Variants in DIP2C observed in about 807,000 individuals in gnomAD.
The protein encoded by DIP2C is DIP2 acetate--CoA ligase C (putative).
Under a neutral mutation model 192.4 loss-of-function variants are expected in DIP2C, and 33 were observed. The ratio of observed to expected loss-of-function variants is 0.17; its 90% CI spans 0.13 to 0.23. DIP2C has a LOEUF of 0.23. Among genes scored for constraint, DIP2C ranks in the 10% least tolerant of loss-of-function variants. DIP2C has a pLI of 1.00. For missense variants in DIP2C, 1,537 were observed against 2,110.1 expected (o/e 0.73, Z 5.32); for synonymous variants, 979 against 864.1 (o/e 1.13, Z -2.33).
intron 1 of DIP2C, among the ~76,000 whole-genome samples, chr10:619,344 G>GA (rs1435043001): frequency 6.6e-6 from 1 of 152,238 alleles, no homozygotes; most frequent in Non-Finnish European, 1.5e-5. Context: ...CTAACGTCGA[G>GA]ATGTCAGCAG....
intron 10 of DIP2C, among the ~76,000 whole-genome samples, chr10:397,886 G>A (rs1964121066): frequency 6.6e-6 from 1 of 152,154 alleles, no homozygotes; most frequent in South Asian, 2.1e-4. Flanking sequence ...AGCCATGATG[G>A]GAAGGAGGGG....
chr10:358,651 T>G (rs1240922876), intron 22 of DIP2C, among the ~76,000 whole-genome samples: 3 of 540 alleles, frequency 5.6e-3, no homozygotes, highest in Non-Finnish European at 8.2e-3. Context: ...GGATGGGAGG[T>G]GGGGGACGGG....
At chr10:348,579 C>G (rs1308831512) in intron 26 of DIP2C, 62 bp downstream of exon 26, 12 of 1,577,548 alleles carry the variant, frequency 7.6e-6, no homozygotes, top group Non-Finnish European at 9.4e-6. Flanking sequence ...AGAGTCTGCG[C>G]GTTGCAAGCT....
chr10:589,948 G>C (rs978678476), intron 1 of DIP2C, among the ~76,000 whole-genome samples: 1 of 152,228 alleles, frequency 6.6e-6, no homozygotes, highest in Non-Finnish European at 1.5e-5. Context: ...AGAAGCGTGT[G>C]ATAAGTTACA....
At chr10:584,606 A>G (rs1360244104) in intron 1 of DIP2C, among the ~76,000 whole-genome samples, 1 of 75,728 alleles carries the variant, frequency 1.3e-5, no homozygotes, top group African/African-American at 5.5e-5. Context: ...TCACCTCTCA[A>G]TCTCGGGGCC....
At chr10:456,571 TAGTGTGACCCA>T (rs1334678889) in intron 3 of DIP2C, among the ~76,000 whole-genome samples, 1 of 152,198 alleles carries the variant, frequency 6.6e-6, no homozygotes, top group African/African-American at 2.4e-5. Flanking sequence ...TCCTCCTGGT[TAGTGTGACCCA>T]AGTCTGGAAA....
chr10:584,528 C>A (rs1321073232), intron 1 of DIP2C, among the ~76,000 whole-genome samples: 1 of 139,788 alleles, frequency 7.2e-6, no homozygotes, highest in Non-Finnish European at 1.5e-5. Context: ...GGCCCGCGAC[C>A]TGGCCCCCAC....
At chr10:461,032 C>T (rs1469277583) in intron 3 of DIP2C, among the ~76,000 whole-genome samples, 1 of 152,168 alleles carries the variant, frequency 6.6e-6, no homozygotes, top group Non-Finnish European at 1.5e-5. Flanking sequence ...GTCTGCCTTA[C>T]AAGAGCTCCT....
At chr10:582,037 G>A (rs1241234442) in intron 1 of DIP2C, among the ~76,000 whole-genome samples, 4 of 152,140 alleles carry the variant, frequency 2.6e-5, no homozygotes, top group South Asian at 2.1e-4. Context: ...GGGTTCCAAC[G>A]TCTATGAGAA....
intron 1 of DIP2C, among the ~76,000 whole-genome samples, chr10:644,389 C>T (rs1336896476): frequency 6.6e-6 from 1 of 152,278 alleles, no homozygotes; most frequent in Non-Finnish European, 1.5e-5. Context: ...TGAAAGCCTA[C>T]AGCCAACCCT....
At chr10:472,693 C>G (rs1447751866) in intron 2 of DIP2C, 144 bp from the exon 3 acceptor site, 1 of 692,474 alleles carries the variant, frequency 1.4e-6, no homozygotes. Context: ...AGCCCACAGA[C>G]AGGAGGGCCA....
At chr10:356,162 A>G (rs1959070199) in intron 24 of DIP2C, 4 of 578,372 alleles carry the variant, frequency 6.9e-6, no homozygotes, top group Admixed American at 3.0e-5. Context: ...TCTCTTGCAG[A>G]TATCATTACT....
intron 2 of DIP2C, among the ~76,000 whole-genome samples, chr10:479,664 A>G (rs1843439476): frequency 6.6e-6 from 1 of 152,090 alleles, no homozygotes; most frequent in Non-Finnish European, 1.5e-5. Context: ...TCCATCTTTC[A>G]TGAGCCCAAA....
chr10:353,556 T>A (rs962904983), intron 24 of DIP2C, among the ~76,000 whole-genome samples: 12 of 151,356 alleles, frequency 7.9e-5, no homozygotes, highest in Non-Finnish European at 8.8e-5. Context: ...CACCCAGCTA[T>A]TTTTTTTTGT....
In DIP2C at chr10:364,607, C is replaced by T. The variant is rs368428030; in HGVS notation, c.2269-25G>A. 1.9e-6 allele frequency: 3 copies of T among 1,606,868 alleles called. No homozygotes were observed. The African/African-American group carries it at 4.0e-5, about 21-fold the overall frequency. On this transcript the variant is annotated intron_variant, in intron 19 of 36. Coordinates refer to ENST00000280886, the MANE Select transcript of DIP2C (RefSeq NM_014974.3). ...CCTGGGGGAAACAGCATCCATCAGG[C>T]CACTGTTCATGTGGTCAGCTGGTTT...
Position 349,451 on chromosome 10 carries a change from C to T in DIP2C, c.2989G>A (p.Ala997Thr), listed in dbSNP as rs1958684971. 6.2e-6 allele frequency: 10 copies of T among 1,605,270 alleles called. No individual in the cohort carries two copies. The highest frequency in any genetic ancestry group is 7.6e-6 in the Non-Finnish European group (9 of 1,176,690). Residue 997 changes from alanine (A) to threonine (T), a missense_variant, in exon 25 of 37, where the codon GCG (alanine) becomes ACG (threonine). Transcript: ENST00000280886. ...ILYTLLNCRG[A>T]IANSLTCVQL... The stretch of plus-strand genomic sequence containing the variant: ...ACGCAGGTCAGCGAGTTCGCTATCG[C>T]ACCCTGCGGGCCGATCACAGGGACA...
At chr10:583,388 C>G (rs1377512052) in intron 1 of DIP2C, among the ~76,000 whole-genome samples, 1 of 152,234 alleles carries the variant, frequency 6.6e-6, no homozygotes, top group Non-Finnish European at 1.5e-5. Flanking sequence ...TGTTTGGTAC[C>G]TGCATTAAAA....
chr10:508,923 C>CCT (rs1349367235), intron 1 of DIP2C, among the ~76,000 whole-genome samples: 1 of 152,214 alleles, frequency 6.6e-6, no homozygotes, highest in African/African-American at 2.4e-5. Context: ...CGACCGTCCA[C>CCT]CTCCAGGGTC....
intron 1 of DIP2C, among the ~76,000 whole-genome samples, chr10:579,349 C>A (rs1025931797): frequency 2.0e-5 from 3 of 151,680 alleles, no homozygotes; most frequent in Non-Finnish European, 4.4e-5. Context: ...TGTACACACA[C>A]CCAAATGTAG....
Sources: gnomAD v4.1 joint callset for allele counts (sites outside exome capture counted in the v4.1 genomes callset) on GRCh38, gnomAD v4.1.1 for gene constraint, MANE v1.5 for transcripts, NCBI Gene and HGNC (gene_info 2026-07-23, HGNC 2026-07-21) for gene names.